Variants in WWOX observed in about 807,000 individuals in gnomAD.
WWOX encodes WW domain containing oxidoreductase.
WWOX carries 69 observed loss-of-function variants against 46.2 expected under a neutral mutation model. The ratio of observed to expected loss-of-function variants is 1.49; its 90% CI spans 1.23 to 1.82. The LOEUF (loss-of-function observed/expected upper bound fraction) is 1.82. Among genes scored for constraint, WWOX ranks in the 40% most tolerant of loss-of-function variants. The pLI, the probability that WWOX is intolerant of heterozygous loss-of-function variation, is 0.00. For missense variants in WWOX, 919 were observed against 542.6 expected, an observed-to-expected ratio of 1.69 and a Z score of -6.89; for synonymous variants, 359 against 202.6, an observed-to-expected ratio of 1.77 and a Z score of -6.56.
intron 8 of WWOX, among the ~76,000 whole-genome samples, chr16:78,473,407 G>C (rs891261261): frequency 3.0e-4 from 45 of 147,730 alleles, no homozygotes; most frequent in African/African-American, 1.1e-3. Context: ...TAGGATTACA[G>C]ACATGAGCCG....
chr16:79,141,701 T>G (rs1482137525), intron 8 of WWOX, among the ~76,000 whole-genome samples: 2 of 151,934 alleles, frequency 1.3e-5, no homozygotes, highest in Non-Finnish European at 2.9e-5. Flanking sequence ...GACTCTCCAG[T>G]GCTTCTTGGT....
At chr16:78,604,860 CTTCCT>C (rs1235760747) in intron 8 of WWOX, among the ~76,000 whole-genome samples, 1 of 5,346 alleles carries the variant, frequency 1.9e-4, no homozygotes, top group Non-Finnish European at 3.4e-4. Flanking sequence ...CCCTCCTTCC[CTTCCT>C]CCCTCCCTCC....
At chr16:78,386,399 T>C (rs1381171575) in intron 5 of WWOX, among the ~76,000 whole-genome samples, 1 of 152,208 alleles carries the variant, frequency 6.6e-6, no homozygotes, top group Non-Finnish European at 1.5e-5. Context: ...GTACTTTCTA[T>C]AAAGGAGTTG....
At chr16:78,885,064 A>C (rs2044425240) in intron 8 of WWOX, among the ~76,000 whole-genome samples, 1 of 152,142 alleles carries the variant, frequency 6.6e-6, no homozygotes, top group Non-Finnish European at 1.5e-5. Context: ...ATGGCACCCC[A>C]GGTTCAGTGG....
intron 5 of WWOX, among the ~76,000 whole-genome samples, chr16:78,332,364 G>T (rs935416722): frequency 6.6e-6 from 1 of 152,184 alleles, no homozygotes; most frequent in Admixed American, 6.5e-5. Context: ...GTGCCTTCTA[G>T]CCAAGAATGG....
chr16:78,938,700 G>A (rs1237745309), intron 8 of WWOX, among the ~76,000 whole-genome samples: 1 of 152,184 alleles, frequency 6.6e-6, no homozygotes, highest in East Asian at 1.9e-4. Flanking sequence ...CAGACTAAGT[G>A]TCTTTGTTCT....
In WWOX at chr16:78,981,011, C is replaced by G. The variant is rs560712404; in HGVS notation, c.1057-230597C>G. Among the ~76,000 whole-genome samples, 10 of 152,212 alleles carry G rather than the reference C, an allele frequency of 6.6e-5. No homozygotes were observed. The South Asian group carries it at 2.1e-3, about 32-fold the overall frequency. On this transcript the variant is annotated intron_variant, in intron 8 of 8. Transcript: ENST00000566780. ...TTATGTAGAAATCTGTGCTAAGAAG[C>G]GCTGTGTTGCGTCATCATGGGGCAT...
chr16:78,456,653 A>G (rs1331057149), intron 8 of WWOX, among the ~76,000 whole-genome samples: 2 of 152,234 alleles, frequency 1.3e-5, no homozygotes, highest in Non-Finnish European at 2.9e-5. Context: ...TGTTTCTGAA[A>G]CATCCTGATA....
Position 78,520,078 on chromosome 16 carries a change from C to G in WWOX, c.1056+87326C>G, listed in dbSNP as rs193038842. Among the ~76,000 whole-genome samples the G allele has an allele frequency of 1.4e-3, 208 of 152,238 alleles. 2 individuals are homozygous for G. Among genetic ancestry groups the G allele is most frequent in the African/African-American group, 4.8e-3 (198 of 41,552 alleles). On this transcript the variant is annotated intron_variant, in intron 8 of 8. Coordinates refer to ENST00000566780, the MANE Select transcript of WWOX (RefSeq NM_016373.4). ...TTATTGAGGGACATTCACTTAGTTT[C>G]GAAAGGTTTCTCCCTCCACTCCCAT... is the stretch of plus-strand genomic sequence containing the variant.
At chr16:79,176,972 A>G (rs1418441293) in intron 8 of WWOX, among the ~76,000 whole-genome samples, 2 of 152,148 alleles carry the variant, frequency 1.3e-5, no homozygotes, top group African/African-American at 2.4e-5. Flanking sequence ...CTGAAAATGG[A>G]GTACAATGAA....
chr16:78,121,235 C>T (rs950484096), intron 4 of WWOX, among the ~76,000 whole-genome samples: 1 of 152,162 alleles, frequency 6.6e-6, no homozygotes, highest in South Asian at 2.1e-4. Flanking sequence ...ACCTTTTGGG[C>T]ATTGGAACTC....
chr16:78,777,842 C>G (rs1057428640), intron 8 of WWOX, among the ~76,000 whole-genome samples: 1 of 151,950 alleles, frequency 6.6e-6, no homozygotes, highest in African/African-American at 2.4e-5. Flanking sequence ...GTCAAGAGAT[C>G]AAGAGCATCC....
At chr16:78,805,893 T>C (rs181659614) in intron 8 of WWOX, among the ~76,000 whole-genome samples, 65 of 152,330 alleles carry the variant, frequency 4.3e-4, no homozygotes, top group Middle Eastern at 3.4e-3. Flanking sequence ...GGGTCTTCTT[T>C]CTAGCATGCC....
At chr16:78,762,209 C>T (rs928817450) in intron 8 of WWOX, among the ~76,000 whole-genome samples, 2 of 152,192 alleles carry the variant, frequency 1.3e-5, no homozygotes, top group Non-Finnish European at 2.9e-5. Flanking sequence ...GGAATTTCCT[C>T]AGCCAAGAGC....
intron 5 of WWOX, among the ~76,000 whole-genome samples, chr16:78,371,560 C>A (rs1178435605): frequency 6.6e-6 from 1 of 152,092 alleles, no homozygotes; most frequent in Non-Finnish European, 1.5e-5. Flanking sequence ...TGGTTAATCT[C>A]TTCTACTAAG....
At chr16:78,927,533 T>G (rs2045526285) in intron 8 of WWOX, among the ~76,000 whole-genome samples, 1 of 152,232 alleles carries the variant, frequency 6.6e-6, no homozygotes, top group Non-Finnish European at 1.5e-5. Flanking sequence ...AATAGATATT[T>G]GATAAATGGA....
At chr16:78,543,402 A>T (rs565539485) in intron 8 of WWOX, among the ~76,000 whole-genome samples, 1 of 152,352 alleles carries the variant, frequency 6.6e-6, no homozygotes, top group Non-Finnish European at 1.5e-5. Context: ...ATGCCCTTTC[A>T]CATACAGCGA....
chr16:79,027,647 T>C lies in WWOX; in HGVS notation c.1057-183961T>C, dbSNP rs117320390. Among the ~76,000 whole-genome samples the C allele has an allele frequency of 4.4e-3, 663 of 152,060 alleles. 5 individuals are homozygous for C. Among genetic ancestry groups the C allele is most frequent in the Non-Finnish European group, 8.1e-3 (554 of 68,028 alleles). On this transcript the variant is annotated intron_variant, in intron 8 of 8. Coordinates refer to ENST00000566780, the MANE Select transcript of WWOX (RefSeq NM_016373.4). ...CCTATCGTGAATTCGGTCATTGTTA[T>C]AAGCCAAGCTTTGCAAAGGTGGAAC...
chr16:78,102,975 G>A (rs2031895376), intron 1 of WWOX, among the ~76,000 whole-genome samples: 1 of 152,150 alleles, frequency 6.6e-6, no homozygotes, highest in Admixed American at 6.5e-5. Flanking sequence ...GGCTCTGTGG[G>A]GCGTCTCCTC....
Sources: gnomAD v4.1 joint callset for allele counts (sites outside exome capture counted in the v4.1 genomes callset) on GRCh38, gnomAD v4.1.1 for gene constraint, MANE v1.5 for transcripts, NCBI Gene and HGNC (gene_info 2026-07-23, HGNC 2026-07-21) for gene names.